The following ADCY2 variants were observed in gnomAD, a reference collection of about 807,000 sequenced individuals.
ADCY2 encodes adenylate cyclase type 2.
ADCY2 carries 31 observed loss-of-function variants against 125.2 expected under a neutral mutation model. The observed-to-expected ratio is 0.25, with a 90% CI of 0.19 to 0.33. ADCY2 has a LOEUF of 0.33. ADCY2 is among the 10% of genes least tolerant of loss of function. The pLI, the probability that ADCY2 is intolerant of heterozygous loss-of-function variation, is 1.00. For missense variants in ADCY2, 904 were observed against 1,418.2 expected, an observed-to-expected ratio of 0.64 and a Z score of 5.82; for synonymous variants, 512 against 548.4, an observed-to-expected ratio of 0.93 and a Z score of 0.93.
chr5:7,804,813 A>C, intron 22 of ADCY2, 121 bp downstream of exon 22: 13 of 703,994 alleles, frequency 1.8e-5, no homozygotes, highest in Non-Finnish European at 2.7e-5. Context: ...CCTAAAGCTC[A>C]GGGTCAAGGT....
At chr5:7,432,611 C>T (rs775362925) in intron 2 of ADCY2, among the ~76,000 whole-genome samples, 24 of 152,328 alleles carry the variant, frequency 1.6e-4, no homozygotes, top group African/African-American at 3.8e-4. Flanking sequence ...GCAGTTCCAA[C>T]GCCCACACTT....
intron 3 of ADCY2, among the ~76,000 whole-genome samples, chr5:7,530,885 C>CA (rs1734617457): frequency 6.6e-6 from 1 of 152,130 alleles, no homozygotes; most frequent in Admixed American, 6.5e-5. Flanking sequence ...CCCTGCCTGG[C>CA]AAACTCCTAT....
chr5:7,452,957 T>A (rs1741528786), intron 2 of ADCY2, among the ~76,000 whole-genome samples: 1 of 152,208 alleles, frequency 6.6e-6, no homozygotes. Context: ...TTATTTGTTT[T>A]TGTCCTTGTT....
chr5:7,556,379 A>G (rs1735506849), intron 3 of ADCY2, among the ~76,000 whole-genome samples: 1 of 152,164 alleles, frequency 6.6e-6, no homozygotes, highest in African/African-American at 2.4e-5. Context: ...ACAGAGTAAA[A>G]ATGAATGAAT....
At chr5:7,793,497 C>T (rs1744322002) in intron 20 of ADCY2, 1 of 152,212 alleles carries the variant, frequency 6.6e-6, no homozygotes, top group Non-Finnish European at 1.5e-5. Context: ...TAGCATTCAC[C>T]ACCCTGCGAG....
At chr5:7,535,441 C>G (rs1734784281) in intron 3 of ADCY2, among the ~76,000 whole-genome samples, 1 of 152,172 alleles carries the variant, frequency 6.6e-6, no homozygotes, top group Non-Finnish European at 1.5e-5. Context: ...AATAAAAAGC[C>G]TCTAGGTGTC....
chr5:7,560,213 T>G (rs1735665530), intron 3 of ADCY2, among the ~76,000 whole-genome samples: 1 of 152,200 alleles, frequency 6.6e-6, no homozygotes, highest in African/African-American at 2.4e-5. Context: ...GCATTTTGTT[T>G]ATGATGAGAT....
At position 7,804,039 on chromosome 5, in the gene ADCY2, A is replaced by AG. The variant is rs1400393849; in HGVS notation, c.2776-546_2776-545insG. Reference sequence around the variant, plus strand: ...CTCTTAGGCCTCCCATGGAGGGGGGAAAGAGAGAGAGAGAGAGAGAGAGAG... The same window carrying AG: ...CTCTTAGGCCTCCCATGGAGGGGGGAGAAGAGAGAGAGAGAGAGAGAGAGAG... On this transcript the variant is annotated intron_variant, in intron 21 of 24. Coordinates refer to ENST00000338316, the MANE Select transcript of ADCY2 (RefSeq NM_020546.3). 5.5e-4 allele frequency among the ~76,000 whole-genome samples: 74 copies of AG among 135,202 alleles called. 2 individuals are homozygous for AG. Among genetic ancestry groups the AG allele is most frequent in the African/African-American group, 1.5e-3 (49 of 32,710 alleles). 88.7% of individuals were successfully genotyped at this position (135,202 alleles called of 152,430 possible).
At chr5:7,418,813 A>G (rs1464099324) in intron 2 of ADCY2, among the ~76,000 whole-genome samples, 1 of 151,382 alleles carries the variant, frequency 6.6e-6, no homozygotes, top group Non-Finnish European at 1.5e-5. Flanking sequence ...GTGCCACCAC[A>G]CCTGGCTAAT....
chr5:7,675,053 G>A (rs917275204), intron 4 of ADCY2, among the ~76,000 whole-genome samples: 2 of 151,954 alleles, frequency 1.3e-5, no homozygotes, highest in African/African-American at 4.8e-5. Context: ...TACTCGAGAG[G>A]CTGAGGCAGG....
intron 24 of ADCY2, among the ~76,000 whole-genome samples, chr5:7,824,020 T>C (rs1347934891): frequency 2.6e-5 from 4 of 152,198 alleles, no homozygotes; most frequent in Non-Finnish European, 5.9e-5. Flanking sequence ...GCACGGAAGC[T>C]GAAGGGCTGC....
intron 2 of ADCY2, among the ~76,000 whole-genome samples, chr5:7,480,917 C>G (rs1474699150): frequency 1.3e-5 from 2 of 152,154 alleles, no homozygotes; most frequent in Non-Finnish European, 2.9e-5. Flanking sequence ...CAAATCTTGG[C>G]TATAGTGGAT....
At chr5:7,406,186 A>G (rs924263176) in intron 1 of ADCY2, among the ~76,000 whole-genome samples, 1 of 152,162 alleles carries the variant, frequency 6.6e-6, no homozygotes, top group Non-Finnish European at 1.5e-5. Context: ...AAGAAAATAT[A>G]CATACTCCCT....
At chr5:7,808,689 C>G (rs1744839934) in intron 22 of ADCY2, among the ~76,000 whole-genome samples, 1 of 152,174 alleles carries the variant, frequency 6.6e-6, no homozygotes, top group African/African-American at 2.4e-5. Flanking sequence ...TCCTGTTGTC[C>G]TTGGCTCACC....
At chr5:7,515,365 GT>G (rs1744215719) in intron 2 of ADCY2, among the ~76,000 whole-genome samples, 1 of 152,152 alleles carries the variant, frequency 6.6e-6, no homozygotes, top group African/African-American at 2.4e-5. Context: ...AAGATCTTAT[GT>G]TTTGGGGTAG....
intron 4 of ADCY2, among the ~76,000 whole-genome samples, chr5:7,652,542 C>G (rs1014742860): frequency 5.9e-5 from 9 of 152,202 alleles, no homozygotes; most frequent in Non-Finnish European, 1.2e-4. Flanking sequence ...TATTTAAAAA[C>G]TGACATTGTA....
chr5:7,409,973 C>G (rs1183983410), intron 1 of ADCY2, among the ~76,000 whole-genome samples: 1 of 152,124 alleles, frequency 6.6e-6, no homozygotes, highest in African/African-American at 2.4e-5. Context: ...ATCTATTTAT[C>G]TATATACATA....
At chr5:7,707,561 G>C (rs751750864) in intron 8 of ADCY2, 145 bp from the exon 9 acceptor site, 3 of 945,818 alleles carry the variant, frequency 3.2e-6, no homozygotes, top group Non-Finnish European at 4.7e-6. Flanking sequence ...CCAAAGCAGT[G>C]GTCAATAGAA....
chr5:7,719,219 T>C (rs1207791873), intron 12 of ADCY2, among the ~76,000 whole-genome samples: 4 of 152,212 alleles, frequency 2.6e-5, no homozygotes, highest in Admixed American at 6.5e-5. Flanking sequence ...AATATATGTT[T>C]AGTTAATACC....
Sources: gnomAD v4.1 joint callset for allele counts (sites outside exome capture counted in the v4.1 genomes callset) on GRCh38, gnomAD v4.1.1 for gene constraint, MANE v1.5 for transcripts, NCBI Gene and HGNC (gene_info 2026-07-23, HGNC 2026-07-21) for gene names.